Variants in VAV2 observed in about 807,000 individuals in gnomAD.
VAV2 encodes the protein vav guanine nucleotide exchange factor 2, also known as guanine nucleotide exchange factor VAV2.
Under a neutral mutation model 132.5 loss-of-function variants are expected in VAV2, and 67 were observed. That is an observed-to-expected ratio of 0.51 (90% CI 0.42 to 0.62). The LOEUF (loss-of-function observed/expected upper bound fraction) is 0.62, where lower values mean the gene tolerates loss of function less well. Ranked by LOEUF, VAV2 falls within the 20% of genes least tolerant of loss-of-function variation. VAV2 has a pLI of 0.00. For missense variants in VAV2, 938 were observed against 1,153.6 expected, an observed-to-expected ratio of 0.81 and a Z score of 2.71; for synonymous variants, 492 against 443.5, an observed-to-expected ratio of 1.11 and a Z score of -1.37.
intron 13 of VAV2, among the ~76,000 whole-genome samples, chr9:133,790,964 C>T (rs1834433405): frequency 1.3e-5 from 2 of 152,134 alleles, no homozygotes; most frequent in South Asian, 4.1e-4. Flanking sequence ...AGAGGCATAT[C>T]TGGTTGGCAT....
intron 1 of VAV2, among the ~76,000 whole-genome samples, chr9:133,940,498 G>A (rs2519103): frequency 2.6e-5 from 4 of 151,774 alleles, no homozygotes; most frequent in Admixed American, 6.6e-5. Flanking sequence ...GGAGCGGAGG[G>A]TCCCCCAGCC....
At chr9:133,915,095 A>C (rs1430336100) in intron 2 of VAV2, among the ~76,000 whole-genome samples, 3 of 152,086 alleles carry the variant, frequency 2.0e-5, no homozygotes, top group African/African-American at 7.2e-5. Flanking sequence ...CCGGAAGAGC[A>C]CCGGCCTGTT....
At chr9:133,786,718 G>A (rs2131606968) in intron 16 of VAV2, among the ~76,000 whole-genome samples, 2 of 152,304 alleles carry the variant, frequency 1.3e-5, no homozygotes, top group Middle Eastern at 3.4e-3. Flanking sequence ...CCTCCCCTTC[G>A]GCCACCCCAC....
rs190325795 is a variant in VAV2, at chr9:133,769,904, C to T, written c.2348-401G>A. Among the ~76,000 whole-genome samples the T allele has an allele frequency of 2.6e-5, 4 of 152,320 alleles. No homozygotes were observed. The highest frequency in any genetic ancestry group is 1.9e-4 in the East Asian group (1 of 5,174). Reference sequence around the variant, plus strand: ...GGGTGACTCTGGAGAGAGTCCTGAGCGGGAAGCCGCATGCTCGGGGCCTGC... The same window carrying T: ...GGGTGACTCTGGAGAGAGTCCTGAGTGGGAAGCCGCATGCTCGGGGCCTGC... On this transcript the variant is annotated intron_variant, in intron 27 of 29. Transcript: ENST00000371850. This position sits in a 1 kb window ranked among gnomAD's most constrained non-coding sequence, Gnocchi z 8.1.
intron 1 of VAV2, among the ~76,000 whole-genome samples, chr9:133,984,136 T>C (rs1842782857): frequency 6.6e-6 from 1 of 152,116 alleles, no homozygotes; most frequent in Non-Finnish European, 1.5e-5. Flanking sequence ...CACACCCAGC[T>C]AATTTTTTGT....
chr9:133,777,151 A>C (rs1476451245), intron 23 of VAV2, among the ~76,000 whole-genome samples: 1 of 152,074 alleles, frequency 6.6e-6, no homozygotes, highest in East Asian at 1.9e-4. Context: ...GGTGTTTCTA[A>C]AACCACAACG....
intron 2 of VAV2, 112 bp downstream of exon 2, chr9:133,938,991 G>C: frequency 1.0e-6 from 1 of 969,388 alleles, no homozygotes; most frequent in Non-Finnish European, 1.7e-6. Flanking sequence ...AAATCCACTG[G>C]CTCTGTGTTG....
At chr9:133,837,272 C>T (rs1836507186) in intron 3 of VAV2, among the ~76,000 whole-genome samples, 1 of 152,244 alleles carries the variant, frequency 6.6e-6, no homozygotes, top group Non-Finnish European at 1.5e-5. Flanking sequence ...GCACTTTCCA[C>T]TGCCCAAGAA....
chr9:133,813,416 G>A (rs1835434539), intron 4 of VAV2, among the ~76,000 whole-genome samples: 1 of 152,240 alleles, frequency 6.6e-6, no homozygotes, highest in Non-Finnish European at 1.5e-5. Flanking sequence ...CCCAAACCTC[G>A]CCTTTGAATA....
At chr9:133,972,487 A>G (rs1341958069) in intron 1 of VAV2, among the ~76,000 whole-genome samples, 1 of 2,758 alleles carries the variant, frequency 3.6e-4, no homozygotes, top group African/African-American at 1.2e-3. Context: ...TCATTATTAA[A>G]GGCAAACACT....
At chr9:133,798,572 C>T (rs911274835) in intron 9 of VAV2, among the ~76,000 whole-genome samples, 8 of 152,174 alleles carry the variant, frequency 5.3e-5, no homozygotes, top group African/African-American at 1.9e-4. Context: ...GGTTCCCGGC[C>T]TCTGGAGCCT....
At chr9:133,921,409 G>A (rs1033010694) in intron 2 of VAV2, among the ~76,000 whole-genome samples, 5 of 152,202 alleles carry the variant, frequency 3.3e-5, no homozygotes, top group Admixed American at 6.5e-5. Flanking sequence ...AGGCAGAGAT[G>A]GGAGGACTGA....
rs1835869712 is a variant in VAV2, at chr9:133,823,457, C to A, written c.449+10815G>T. Among the ~76,000 whole-genome samples the A allele has an allele frequency of 6.6e-6, 1 of 152,130 alleles. No individual in the cohort carries two copies. The highest frequency in any genetic ancestry group is 1.5e-5 in the Non-Finnish European group (1 of 68,032). ...CGTGATGGGACTTCTACAATAAAAC[C>A]CAGCATGTGACGCTTGTTCATTTTA... is the stretch of plus-strand genomic sequence containing the variant. On this transcript the variant is annotated intron_variant, in intron 4 of 29. Transcript: ENST00000371850. This position sits in a 1 kb window ranked among gnomAD's most constrained non-coding sequence, Gnocchi z 5.5.
chr9:133,946,667 G>A (rs575968543), intron 1 of VAV2, among the ~76,000 whole-genome samples: 3 of 152,362 alleles, frequency 2.0e-5, no homozygotes, highest in South Asian at 2.1e-4. Context: ...ATGCTGCGTC[G>A]TGCTGATCAG....
rs915683363 is a variant in VAV2 at position 133,768,368 on chromosome 9, C to G, written c.2589+74G>C. The stretch of plus-strand genomic sequence containing the variant: ...CTGGGGTGTGGACATAGGTGTGGTG[C>G]TAGTCTGCCTGAGCCCGACCAGGTA... On this transcript the variant is annotated intron_variant, in intron 29 of 29. Transcript: ENST00000371850. The surrounding 1 kb of genome is among the most constrained non-coding windows in gnomAD (Gnocchi z 5.3). The G allele has an allele frequency of 1.9e-6, 3 of 1,561,376 alleles. No individual in the cohort carries two copies. In the African/African-American group the frequency reaches 4.0e-5, roughly 21 times the overall value.
At chr9:133,881,048 C>G (rs1017820984) in intron 2 of VAV2, among the ~76,000 whole-genome samples, 4 of 150,214 alleles carry the variant, frequency 2.7e-5, no homozygotes, top group African/African-American at 9.8e-5. Flanking sequence ...AGCAAGGGGC[C>G]AGCAGCCCAG....
At chr9:133,945,666 G>A (rs998776324) in intron 1 of VAV2, among the ~76,000 whole-genome samples, 5 of 152,198 alleles carry the variant, frequency 3.3e-5, no homozygotes, top group Non-Finnish European at 7.4e-5. Flanking sequence ...TGGGGGTGGG[G>A]TCCTGCAGGG....
intron 21 of VAV2, among the ~76,000 whole-genome samples, chr9:133,779,684 C>T (rs1833937597): frequency 6.6e-6 from 1 of 152,214 alleles, no homozygotes; most frequent in Non-Finnish European, 1.5e-5. Flanking sequence ...CCTCTGCAGG[C>T]TGGGTCCTGT....
At position 133,863,419 on chromosome 9, in the gene VAV2, G is replaced by A. The variant is rs1270391807; in HGVS notation, c.322-1987C>T. Among the ~76,000 whole-genome samples, 3 of 138,932 alleles carry A rather than the reference G, an allele frequency of 2.2e-5. No individual in the cohort carries two copies. Among genetic ancestry groups the A allele is most frequent in the Non-Finnish European group, 4.5e-5 (3 of 67,370 alleles). 91.1% of individuals were successfully genotyped at this position (138,932 alleles called of 152,430 possible). Reference sequence around the variant, plus strand: ...CAGCGCAAAGGCCCCAGGTCGGGTCGTACAGATGGAACCGGGTCGTACAGA... The same window carrying A: ...CAGCGCAAAGGCCCCAGGTCGGGTCATACAGATGGAACCGGGTCGTACAGA... On this transcript the variant is annotated intron_variant, in intron 2 of 29. Transcript: ENST00000371850. This position sits in a 1 kb window ranked among gnomAD's most constrained non-coding sequence, Gnocchi z 5.0.
Sources: gnomAD v4.1 joint callset for allele counts (sites outside exome capture counted in the v4.1 genomes callset) on GRCh38, gnomAD v4.1.1 for gene constraint, Gnocchi (gnomAD v3.1) non-coding constraint, MANE v1.5 for transcripts, NCBI Gene and HGNC (gene_info 2026-07-23, HGNC 2026-07-21) for gene names.